The following RHPN1 variants were observed in gnomAD, a reference collection of about 807,000 sequenced individuals.
RHPN1 encodes rhophilin Rho GTPase binding protein 1, also known as rhophilin-1.
RHPN1 carries 77 observed loss-of-function variants against 74.7 expected under a neutral mutation model. The observed-to-expected ratio is 1.03, with a 90% CI of 0.86 to 1.25. The LOEUF (loss-of-function observed/expected upper bound fraction) is 1.25, where lower values mean the gene tolerates loss of function less well. Among genes scored for constraint, RHPN1 ranks in the 50% most tolerant of loss-of-function variants. The pLI is 0.00. For missense variants in RHPN1, 987 were observed against 932.2 expected (o/e 1.06, Z -0.77); for synonymous variants, 444 against 414.5 (o/e 1.07, Z -0.87).
At position 143,381,733 on chromosome 8, in the gene RHPN1, G is replaced by T; in HGVS notation, c.1635+15G>T. The T allele has an allele frequency of 6.2e-7, 1 of 1,606,240 alleles. No homozygotes were observed. The highest frequency in any genetic ancestry group is 8.5e-7 in the Non-Finnish European group (1 of 1,177,048). On this transcript the variant is annotated intron_variant, in intron 13 of 14. Coordinates refer to ENST00000289013, the MANE Select transcript of RHPN1 (RefSeq NM_052924.3). The stretch of plus-strand genomic sequence containing the variant: ...GCCAGGCCGCGGTAAGGGCCCCGCC[G>T]GCCCCCTGAGGCTGAGTCCTTGGTG...
chr8:143,365,390 C>T (rs71520509), upstream of RHPN1, among the ~76,000 whole-genome samples: 11,237 of 152,308 alleles, frequency 0.074, 495 homozygotes, highest in Non-Finnish European at 0.099. Flanking sequence ...GCTTTTTCCA[C>T]ATTTCTCTAT....
chr8:143,369,994 G>A (rs1817718927), intron 1 of RHPN1, among the ~76,000 whole-genome samples: 1 of 152,196 alleles, frequency 6.6e-6, no homozygotes, highest in Admixed American at 6.5e-5. Context: ...TGCCCACCCC[G>A]AGGCGTGCCA....
At chr8:143,364,615 A>C (rs1586793009), upstream of RHPN1, among the ~76,000 whole-genome samples, 1 of 148,488 alleles carries the variant, frequency 6.7e-6, no homozygotes, top group Non-Finnish European at 1.5e-5. This position sits in a 1 kb window ranked among gnomAD's most constrained non-coding sequence, Gnocchi z 4.5. Context: ...AACAACTCTT[A>C]TTTTCAAATA....
Position 143,370,192 on chromosome 8 carries a change from C to T in RHPN1, c.60+1145C>T, listed in dbSNP as rs200159956. Among the ~76,000 whole-genome samples the T allele has an allele frequency of 4.6e-5, 7 of 152,292 alleles. No homozygotes were observed. In the East Asian group the frequency reaches 1.2e-3, roughly 25 times the overall value. On this transcript the variant is annotated intron_variant, in intron 1 of 14. Transcript: ENST00000289013. ...GGCTCCGGAGGTGACGCTTTTCAGGCTGGGGGCTGTGCCTGGGCTCCCTGT... is the reference window on the plus strand; with the variant it reads ...GGCTCCGGAGGTGACGCTTTTCAGGTTGGGGGCTGTGCCTGGGCTCCCTGT...
In RHPN1 at chr8:143,377,443, T is replaced by C; in HGVS notation, c.369T>C (p.Ser123=). The part of the protein sequence containing the change: ...GLKETKELDW[S]TPLKELISVH... ...AGGAGACCAAGGAGCTGGACTGGTC[T>C]ACACCGCTGAAGGTAGGTACTGGCC... Residue 123 remains serine, a synonymous_variant, in exon 4 of 15, where the codon TCT becomes TCC. Coordinates refer to ENST00000289013, the MANE Select transcript of RHPN1 (RefSeq NM_052924.3). 1 of 1,612,848 alleles carries C rather than the reference T, an allele frequency of 6.2e-7. No homozygotes were observed. Among genetic ancestry groups the C allele is most frequent in the South Asian group, 1.1e-5 (1 of 91,064 alleles).
At chr8:143,378,194 A>T in intron 4 of RHPN1, 75 bp from the exon 5 acceptor site, 2 of 1,236,726 alleles carry the variant, frequency 1.6e-6, no homozygotes, top group Non-Finnish European at 2.3e-6. Context: ...TCTTTTCCCA[A>T]GGTGGGTTGG....
Position 143,368,929 on chromosome 8 carries a change from C to T in RHPN1, c.-59C>T. 1 of 1,359,014 alleles carries T rather than the reference C, an allele frequency of 7.4e-7. No homozygotes were observed. Among genetic ancestry groups the T allele is most frequent in the Non-Finnish European group, 9.6e-7 (1 of 1,042,006 alleles). 84.2% of individuals were successfully genotyped at this position (1,359,014 alleles called of 1,614,324 possible). ...GGGCGGCCCTAGCCCGGCTGCGGAG[C>T]GCTGCGCGAGCGGCGGGCTGGCTGA... On this transcript the variant is annotated 5_prime_UTR_variant, in exon 1 of 15. Coordinates refer to ENST00000289013, the MANE Select transcript of RHPN1 (RefSeq NM_052924.3).
In RHPN1 at chr8:143,378,607, A is replaced by G. The variant is rs1299992929; in HGVS notation, c.460-89A>G. ...CACTGGCTTTGCCTCCCCGCCCCCC[A>G]TGGTGCTGGTGCCCATGGGACTTCC... On this transcript the variant is annotated intron_variant, in intron 5 of 14. Transcript: ENST00000289013. 3.4e-6 allele frequency: 5 copies of G among 1,479,022 alleles called. No homozygotes were observed. The East Asian group carries it at 1.2e-4, about 36-fold the overall frequency. 91.6% of individuals were successfully genotyped at this position (1,479,022 alleles called of 1,614,324 possible). A position where few individuals can be genotyped will look rare whatever the true frequency, so the allele number is the denominator to read the frequency against.
Position 143,378,356 on chromosome 8 carries a change from T to TCGGGGGGGGGGCCC in RHPN1, c.459+11_459+12insGGGGGGGGGGCCCC. On this transcript the variant is annotated intron_variant, in intron 5 of 14. Coordinates refer to ENST00000289013, the MANE Select transcript of RHPN1 (RefSeq NM_052924.3). Reference sequence around the variant, plus strand: ...GGAGGCCCTGCGGCAGGTGTGTGGTTCCCCCGCCCACCCACCCTCCTGCAG... The same window carrying TCGGGGGGGGGGCCC: ...GGAGGCCCTGCGGCAGGTGTGTGGTTCGGGGGGGGGGCCCCCCCCGCCCACCCACCCTCCTGCAG... The TCGGGGGGGGGGCCC allele has an allele frequency of 2.0e-6, 3 of 1,525,434 alleles. No individual in the cohort carries two copies. The highest frequency in any genetic ancestry group is 2.6e-6 in the Non-Finnish European group (3 of 1,136,344). The allele number at this position is 1,525,434 out of a possible 1,614,324, so 94.5% of individuals were successfully genotyped here.
upstream of RHPN1, among the ~76,000 whole-genome samples, chr8:143,364,411 C>T (rs554611186): frequency 7.2e-5 from 11 of 152,128 alleles, no homozygotes; most frequent in South Asian, 1.4e-3. The surrounding 1 kb of genome is among the most constrained non-coding windows in gnomAD (Gnocchi z 4.5). Context: ...CCTCAGCGGC[C>T]GGGAGGGACA....
chr8:143,366,555 ACACACACGCACACGCACACACGCACACG>A (rs750544863), upstream of RHPN1: 1 of 150,354 alleles, frequency 6.7e-6, no homozygotes, highest in African/African-American at 2.5e-5. Flanking sequence ...ATATGCACGC[ACACACACGCACACGCACACACGCACACG>A]CACACACTCC....
chr8:143,364,907 C>T (rs1817540895), upstream of RHPN1, among the ~76,000 whole-genome samples: 1 of 152,200 alleles, frequency 6.6e-6, no homozygotes, highest in African/African-American at 2.4e-5. This position sits in a 1 kb window ranked among gnomAD's most constrained non-coding sequence, Gnocchi z 4.5. Context: ...AGGCGTCCTG[C>T]TCGCCCTGTG....
upstream of RHPN1, among the ~76,000 whole-genome samples, chr8:143,365,875 C>T (rs543367264): frequency 5.9e-5 from 9 of 151,704 alleles, no homozygotes; most frequent in Non-Finnish European, 1.3e-4. Context: ...CGCATGCAAG[C>T]GGTCCCTGCT....
At chr8:143,368,252 G>C (rs367672085), upstream of RHPN1, 143 of 154,096 alleles carry the variant, frequency 9.3e-4, no homozygotes, top group Non-Finnish European at 1.7e-3. Flanking sequence ...TCTGGAGGCC[G>C]GTTTTGGAAG....
At chr8:143,365,166 G>T (rs369570180), upstream of RHPN1, among the ~76,000 whole-genome samples, 1 of 151,868 alleles carries the variant, frequency 6.6e-6, no homozygotes, top group Admixed American at 6.6e-5. Flanking sequence ...AAAAAATACC[G>T]ATGCGCATAA....
In RHPN1 at chr8:143,379,351, C is replaced by A; in HGVS notation, c.788C>A (p.Ala263Glu). The change falls in exon 8 of 15, where the codon GCG (alanine) becomes GAG (glutamate). Residue 263 changes from alanine (A) to glutamate (E), a missense_variant. Transcript: ENST00000289013. ...CTCCTGAGGGAGAACTTCTCCCATG[C>A]GCCGAGCCCAGACATGAGCGCTGCG... is the stretch of plus-strand genomic sequence containing the variant. Reference protein sequence around the residue: ...FSLLRENFSHAPSPDMSAASL... With the variant: ...FSLLRENFSHEPSPDMSAASL... 1 of 1,602,074 alleles carries A rather than the reference C, an allele frequency of 6.2e-7. No homozygotes were observed. Among genetic ancestry groups the A allele is most frequent in the East Asian group, 2.3e-5 (1 of 44,414 alleles).
rs1286307242 is a variant in RHPN1, at chr8:143,381,306, C to T, written c.1450C>T (p.Leu484=). The T allele has an allele frequency of 6.2e-7, 1 of 1,612,888 alleles. No homozygotes were observed. Among genetic ancestry groups the T allele is most frequent in the African/African-American group, 1.3e-5 (1 of 74,948 alleles). The change falls in exon 12 of 15, where the codon CTG becomes TTG. Residue 484 remains leucine (L), a synonymous_variant. Transcript: ENST00000289013. ...GAAGCCAGAGGCCAGGATGCCACGC[C>T]TGTCCCAGGGGAAGGGGCCTGACAT... ...HQKPEARMPR[L]SQGKGPDIFH...
At chr8:143,369,908 C>T (rs976930460) in intron 1 of RHPN1, among the ~76,000 whole-genome samples, 1 of 152,194 alleles carries the variant, frequency 6.6e-6, no homozygotes, top group Non-Finnish European at 1.5e-5. Context: ...GAGGAGGAGG[C>T]GGTGCTATCA....
chr8:143,379,912 GGTGCATGTCAA>G lies in RHPN1; in HGVS notation c.1031_1041del (p.Val344GlyfsTer42). On this transcript the variant is annotated frameshift_variant, in exon 9 of 15. Transcript: ENST00000289013. LOFTEE classifies it high-confidence loss of function. Reference sequence around the variant, plus strand: ...ACGTGCCTGTCTCCTGGACTGCCCTGGTGCATGTCAAGGCCGAGTACTTCCGCTCCCTGGCC... The same window carrying G: ...ACGTGCCTGTCTCCTGGACTGCCCTGGGCCGAGTACTTCCGCTCCCTGGCC... The G allele has an allele frequency of 6.2e-7, 1 of 1,603,988 alleles. No individual in the cohort carries two copies. The highest frequency in any genetic ancestry group is 8.5e-7 in the Non-Finnish European group (1 of 1,175,904).
Sources: gnomAD v4.1 joint callset for allele counts (sites outside exome capture counted in the v4.1 genomes callset) on GRCh38, gnomAD v4.1.1 for gene constraint, Gnocchi (gnomAD v3.1) non-coding constraint, MANE v1.5 for transcripts, NCBI Gene and HGNC (gene_info 2026-07-23, HGNC 2026-07-21) for gene names.